FAM153A: variants seen among roughly 807,000 people sequenced by gnomAD.
FAM153A encodes protein FAM153A.
In FAM153A, 12 loss-of-function variants were observed where a neutral mutation model predicts 48.1. That is an observed-to-expected ratio of 0.25 (90% CI 0.16 to 0.40). The LOEUF (loss-of-function observed/expected upper bound fraction) is 0.40. Ranked by LOEUF, FAM153A falls within the 10% of genes least tolerant of loss-of-function variation. The pLI, the probability that FAM153A is intolerant of heterozygous loss-of-function variation, is 1.00. For missense variants in FAM153A, 111 were observed against 345.8 expected, an observed-to-expected ratio of 0.32 and a Z score of 5.38; for synonymous variants, 36 against 118.2, an observed-to-expected ratio of 0.30 and a Z score of 4.51.
downstream of FAM153A, among the ~76,000 whole-genome samples, chr5:177,721,693 A>AT (rs4045860): frequency 0.51 from 30,596 of 59,988 alleles, 7,657 homozygotes; most frequent in East Asian, 0.62. Flanking sequence ...TAATTAAAGG[A>AT]TTTTTTTTTT....
chr5:177,698,428 G>T, the FAM153A span, among the ~76,000 whole-genome samples: 1 of 151,814 alleles, frequency 6.6e-6, no homozygotes, highest in African/African-American at 2.4e-5. Flanking sequence ...TTCCTTTTGG[G>T]TGGCTTCACT....
the FAM153A span, among the ~76,000 whole-genome samples, chr5:177,700,199 C>CT: frequency 6.6e-6 from 1 of 151,894 alleles, no homozygotes; most frequent in Non-Finnish European, 1.5e-5. Flanking sequence ...CTTCCCAACC[C>CT]ATGAAAGGGT....
At chr5:177,754,836 G>A (rs536501659), upstream of FAM153A, among the ~76,000 whole-genome samples, 5 of 151,932 alleles carry the variant, frequency 3.3e-5, no homozygotes, top group South Asian at 8.3e-4. Context: ...AACCCCATCT[G>A]TATGTCACCA....
downstream of FAM153A, among the ~76,000 whole-genome samples, chr5:177,710,197 TCTC>T (rs1477809692): frequency 6.7e-6 from 1 of 150,158 alleles, no homozygotes; most frequent in East Asian, 1.9e-4. Context: ...ACTGCAACCT[TCTC>T]CTCCTGGGTT....
intron 2 of FAM153A, 76 bp from the exon 5 acceptor site, chr5:177,748,775 CA>C: frequency 1.6e-6 from 1 of 633,220 alleles, no homozygotes; most frequent in Non-Finnish European, 2.6e-6. Context: ...ATGCTAAGGA[CA>C]GGGGGCTGGC....
In FAM153A at chr5:177,729,266, A is replaced by G. The variant is rs1186657344; in HGVS notation, c.934-213T>C. 4.2e-5 allele frequency among the ~76,000 whole-genome samples: 5 copies of G among 120,370 alleles called. 1 individual carries two copies. The highest frequency in any genetic ancestry group is 1.4e-4 in the African/African-American group (5 of 36,268). 79.0% of individuals were successfully genotyped at this position (120,370 alleles called of 152,430 possible). ...TCCAAATTCTTCTCAAGAAGAAGGAATTTCTCTTAAGGAAAATGCCTGTTG... is the reference window on the plus strand; with the variant it reads ...TCCAAATTCTTCTCAAGAAGAAGGAGTTTCTCTTAAGGAAAATGCCTGTTG... On this transcript the variant is annotated intron_variant, in intron 17 of 20. Transcript: ENST00000614127.
chr5:177,701,684 A>T, the FAM153A span, among the ~76,000 whole-genome samples: 1 of 151,890 alleles, frequency 6.6e-6, no homozygotes, highest in Admixed American at 6.6e-5. Flanking sequence ...CATTACTGTA[A>T]AGATAGCTGA....
chr5:177,697,819 C>A, the FAM153A span, among the ~76,000 whole-genome samples: 1 of 151,676 alleles, frequency 6.6e-6, no homozygotes, highest in East Asian at 1.9e-4. Context: ...CTTTTCCTAC[C>A]TTGTTCCTGA....
At chr5:177,737,459 G>A (rs979185012) in intron 10 of FAM153A, among the ~76,000 whole-genome samples, 12 of 150,916 alleles carry the variant, frequency 8.0e-5, no homozygotes, top group African/African-American at 2.7e-4. Context: ...ATCCCCTAGA[G>A]GTCATTTCCT....
At chr5:177,699,699 T>G in the FAM153A span, among the ~76,000 whole-genome samples, 1 of 152,196 alleles carries the variant, frequency 6.6e-6, no homozygotes, top group East Asian at 1.9e-4. Context: ...GAAAAGATAT[T>G]GAATTAGTAA....
At chr5:177,699,557 G>A in the FAM153A span, among the ~76,000 whole-genome samples, 2 of 152,120 alleles carry the variant, frequency 1.3e-5, no homozygotes, top group African/African-American at 4.8e-5. Flanking sequence ...AAAATAAAAA[G>A]AATTATAAGG....
At chr5:177,764,531 G>A (rs1248429352) in intron 1 of FAM153A, among the ~76,000 whole-genome samples, 1 of 127,866 alleles carries the variant, frequency 7.8e-6, no homozygotes, top group African/African-American at 2.8e-5. Flanking sequence ...GAAAACCTGG[G>A]CTGGGCCCAG....
downstream of FAM153A, chr5:177,706,953 AT>A (rs1757931694): frequency 1.3e-5 from 2 of 152,000 alleles, no homozygotes; most frequent in Admixed American, 1.3e-4. Flanking sequence ...AAAATAGAAA[AT>A]AAAGGTCATT....
upstream of FAM153A, among the ~76,000 whole-genome samples, chr5:177,756,971 A>G (rs1350468134): frequency 1.7e-5 from 2 of 119,960 alleles, no homozygotes; most frequent in Admixed American, 1.6e-4. Context: ...AGCAGAAGCA[A>G]GAAATAACTA....
At chr5:177,735,254 C>T (rs1582377364) in intron 12 of FAM153A, among the ~76,000 whole-genome samples, 1 of 148,044 alleles carries the variant, frequency 6.8e-6, no homozygotes, top group Non-Finnish European at 1.5e-5. Flanking sequence ...TCCACATGTG[C>T]TGCTGATCTG....
At chr5:177,715,750 C>G (rs1194518333) in intron 25 of FAM153A, among the ~76,000 whole-genome samples, 4 of 151,908 alleles carry the variant, frequency 2.6e-5, no homozygotes, top group Middle Eastern at 3.4e-3. Context: ...GTCATCCAGC[C>G]TGGAGTGCAG....
chr5:177,758,772 T>C (rs11741804), intron 1 of FAM153A, among the ~76,000 whole-genome samples: 1 of 147,178 alleles, frequency 6.8e-6, no homozygotes, highest in African/African-American at 2.5e-5. Context: ...TGGCTAGCCA[T>C]ATGTAGAAAG....
downstream of FAM153A, among the ~76,000 whole-genome samples, chr5:177,704,565 T>C (rs947763087): frequency 6.7e-6 from 1 of 149,384 alleles, no homozygotes; most frequent in Non-Finnish European, 1.5e-5. Context: ...GATTGGACCA[T>C]GGAGGCGGTT....
downstream of FAM153A, among the ~76,000 whole-genome samples, chr5:177,718,770 C>T (rs960221602): frequency 1.4e-5 from 2 of 141,126 alleles, no homozygotes; most frequent in Non-Finnish European, 3.2e-5. Context: ...ATAAAAAAGA[C>T]TAAGACATAA....
Sources: gnomAD v4.1 joint callset for allele counts (sites outside exome capture counted in the v4.1 genomes callset) on GRCh38, gnomAD v4.1.1 for gene constraint, MANE v1.5 for transcripts, NCBI Gene and HGNC (gene_info 2026-07-23, HGNC 2026-07-21) for gene names.